SIPA1L2: variants seen among roughly 807,000 people sequenced by gnomAD.
SIPA1L2 encodes the protein signal induced proliferation associated 1 like 2.
In SIPA1L2, 56 loss-of-function variants were observed where a neutral mutation model predicts 163.9. The ratio of observed to expected loss-of-function variants is 0.34; its 90% CI spans 0.28 to 0.43. The LOEUF (loss-of-function observed/expected upper bound fraction) is 0.43, where lower values mean the gene tolerates loss of function less well. Among genes scored for constraint, SIPA1L2 ranks in the 20% least tolerant of loss-of-function variants. SIPA1L2 has a pLI of 1.00. For missense variants in SIPA1L2, 1,974 were observed against 2,193.5 expected (o/e 0.90, Z 2.00); for synonymous variants, 877 against 865.7 (o/e 1.01, Z -0.23).
intron 10 of SIPA1L2, among the ~76,000 whole-genome samples, chr1:232,448,916 C>G (rs893305948): frequency 6.6e-6 from 1 of 152,034 alleles, no homozygotes; most frequent in African/African-American, 2.4e-5. Flanking sequence ...GAGTCAAGGG[C>G]GTGAGGTGCA....
At chr1:232,623,061 T>C (rs1026197876) in intron 1 of SIPA1L2, among the ~76,000 whole-genome samples, 1 of 151,846 alleles carries the variant, frequency 6.6e-6, no homozygotes, top group African/African-American at 2.4e-5. Flanking sequence ...GGAGGATGGG[T>C]GGGGGTGGAT....
chr1:232,548,393 T>C (rs789661), intron 2 of SIPA1L2, among the ~76,000 whole-genome samples: 86,979 of 152,016 alleles, frequency 0.57, 26,331 homozygotes, highest in East Asian at 0.86. Flanking sequence ...TTCCAACCTC[T>C]GTACATACTT....
intron 10 of SIPA1L2, among the ~76,000 whole-genome samples, chr1:232,455,110 T>C (rs1035510796): frequency 2.0e-5 from 3 of 152,200 alleles, no homozygotes; most frequent in African/African-American, 7.2e-5. Flanking sequence ...GAGAACAATC[T>C]GAATGTTATA....
chr1:232,527,722 C>CTTTT (rs1452568441), intron 2 of SIPA1L2, among the ~76,000 whole-genome samples: 5 of 86,272 alleles, frequency 5.8e-5, no homozygotes, highest in Admixed American at 1.4e-4. Context: ...TCTTCTTCTT[C>CTTTT]TTCTTTTTTT....
chr1:232,479,540 G>GC, intron 7 of SIPA1L2, 87 bp downstream of exon 7: 2 of 1,031,158 alleles, frequency 1.9e-6, no homozygotes, highest in Non-Finnish European at 3.0e-6. Context: ...CTGATTCTTT[G>GC]CAAGTTCTAC....
intron 1 of SIPA1L2, among the ~76,000 whole-genome samples, chr1:232,608,088 C>T (rs945853245): frequency 6.7e-6 from 1 of 148,898 alleles, no homozygotes; most frequent in African/African-American, 2.5e-5. Context: ...ACTCTGTCAC[C>T]CAGGTTGGAG....
intron 2 of SIPA1L2, chr1:232,561,600 T>G (rs1403373094): frequency 1.3e-5 from 2 of 152,254 alleles, no homozygotes; most frequent in East Asian, 3.9e-4. Context: ...GCCATCTGCC[T>G]GTGCCCAGAA....
intron 1 of SIPA1L2, among the ~76,000 whole-genome samples, chr1:232,591,642 G>A (rs1213069971): frequency 1.3e-5 from 2 of 152,212 alleles, no homozygotes; most frequent in African/African-American, 4.8e-5. Flanking sequence ...GACTGGCAAG[G>A]TTTTCTCTCA....
intron 3 of SIPA1L2, among the ~76,000 whole-genome samples, chr1:232,493,969 T>C (rs1666054881): frequency 6.6e-6 from 1 of 152,208 alleles, no homozygotes; most frequent in African/African-American, 2.4e-5. Context: ...TTGTCATTCT[T>C]AGAAACTGTC....
intron 2 of SIPA1L2, among the ~76,000 whole-genome samples, chr1:232,556,312 T>TTGC (rs1269591642): frequency 2.0e-5 from 3 of 152,234 alleles, no homozygotes; most frequent in South Asian, 2.1e-4. Flanking sequence ...TTTTCTGTTG[T>TTGC]TGCTGCTGCT....
chr1:232,574,062 T>G (rs1027046381), intron 2 of SIPA1L2, among the ~76,000 whole-genome samples, 112 bp downstream of exon 2: 1 of 151,934 alleles, frequency 6.6e-6, no homozygotes. Flanking sequence ...ATACACTCTA[T>G]CAGCCTAGGG....
At chr1:232,483,312 T>A (rs556799587) in intron 6 of SIPA1L2, among the ~76,000 whole-genome samples, 1 of 152,118 alleles carries the variant, frequency 6.6e-6, no homozygotes, top group South Asian at 2.1e-4. Flanking sequence ...AAGGGGATAT[T>A]GTGTGAAGAT....
intron 2 of SIPA1L2, among the ~76,000 whole-genome samples, chr1:232,545,077 C>T (rs569118958): frequency 6.6e-6 from 1 of 152,214 alleles, no homozygotes; most frequent in South Asian, 2.1e-4. Flanking sequence ...ACCAGAGGAG[C>T]CAACCTCATA....
upstream of SIPA1L2, among the ~76,000 whole-genome samples, chr1:232,630,150 A>G (rs910625606): frequency 6.6e-6 from 1 of 150,986 alleles, no homozygotes; most frequent in Non-Finnish European, 1.5e-5. Context: ...CCGGCTCCCG[A>G]TGCCACCGCC....
chr1:232,554,607 T>C (rs1378989198), intron 2 of SIPA1L2, among the ~76,000 whole-genome samples: 1 of 152,216 alleles, frequency 6.6e-6, no homozygotes, highest in African/African-American at 2.4e-5. Context: ...CGACGACTTA[T>C]TTTAACTAGA....
chr1:232,478,507 T>C (rs1357829855), intron 7 of SIPA1L2, among the ~76,000 whole-genome samples: 3 of 152,234 alleles, frequency 2.0e-5, no homozygotes, highest in Non-Finnish European at 4.4e-5. Context: ...TAAATTTATA[T>C]ACTTTTATGA....
intron 4 of SIPA1L2, 148 bp downstream of exon 4, chr1:232,493,379 T>C (rs1187371202): frequency 6.4e-6 from 7 of 1,096,414 alleles, no homozygotes; most frequent in African/African-American, 1.6e-5. Flanking sequence ...AATAAAATAC[T>C]GCAATGCCCT....
chr1:232,399,560 T>A (rs1660208534), intron 22 of SIPA1L2, among the ~76,000 whole-genome samples: 1 of 151,854 alleles, frequency 6.6e-6, no homozygotes, highest in Non-Finnish European at 1.5e-5. Flanking sequence ...TATATTACCC[T>A]CTATCCAAAA....
chr1:232,404,069 A>G, intron 20 of SIPA1L2, 56 bp downstream of exon 20: 1 of 1,593,768 alleles, frequency 6.3e-7, no homozygotes. Context: ...GACACATGAA[A>G]TATACAGAAA....
Sources: allele counts gnomAD v4.1 joint callset (sites outside exome capture counted in the v4.1 genomes callset), GRCh38; gene constraint gnomAD v4.1.1; transcripts MANE v1.5; gene names NCBI Gene and HGNC (gene_info 2026-07-23, HGNC 2026-07-21).